Variants in ARHGEF3 observed in about 807,000 individuals in gnomAD.
The protein encoded by ARHGEF3 is 59.8 kDA protein.
ARHGEF3 carries 28 observed loss-of-function variants against 63.2 expected under a neutral mutation model. The observed-to-expected ratio is 0.44, with a 90% CI of 0.33 to 0.61. The LOEUF (loss-of-function observed/expected upper bound fraction) is 0.61. Ranked by LOEUF, ARHGEF3 falls within the 20% of genes least tolerant of loss-of-function variation. The pLI is 0.03. For synonymous variants in ARHGEF3, 266 were observed against 254.2 expected (o/e 1.05, Z -0.44); for missense variants, 533 against 659.3 (o/e 0.81, Z 2.10).
intron 4 of ARHGEF3, among the ~76,000 whole-genome samples, chr3:56,875,474 C>T (rs183659389): frequency 2.0e-5 from 3 of 152,242 alleles, no homozygotes; most frequent in African/African-American, 7.2e-5. Flanking sequence ...TATGTATTTG[C>T]TTTGAGGGAA....
At chr3:57,064,091 AC>A (rs1231383513) in intron 1 of ARHGEF3, among the ~76,000 whole-genome samples, 9 of 152,080 alleles carry the variant, frequency 5.9e-5, no homozygotes, top group Non-Finnish European at 1.0e-4. Flanking sequence ...ACATGGCAAA[AC>A]CCTGTCTCTA....
chr3:56,802,099 C>G (rs1414762647), upstream of ARHGEF3: 1 of 980,906 alleles, frequency 1.0e-6, no homozygotes, highest in Non-Finnish European at 1.3e-6. Flanking sequence ...GGGCGTGGGG[C>G]GGTCCCGCGG....
At chr3:56,848,375 T>C (rs753364051) in intron 4 of ARHGEF3, among the ~76,000 whole-genome samples, 3 of 152,186 alleles carry the variant, frequency 2.0e-5, no homozygotes, top group Non-Finnish European at 4.4e-5. Flanking sequence ...GCTAGCTCTG[T>C]AGCTTTGGGC....
At chr3:56,810,910 C>G (rs1339048820) in intron 4 of ARHGEF3, among the ~76,000 whole-genome samples, 6 of 152,174 alleles carry the variant, frequency 3.9e-5, no homozygotes, top group Non-Finnish European at 7.3e-5. Context: ...GAATGATCAG[C>G]AAGCCCAATA....
chr3:56,827,944 C>CAA (rs11462683), intron 4 of ARHGEF3, among the ~76,000 whole-genome samples: 3,506 of 33,020 alleles, frequency 0.11, 728 homozygotes, highest in East Asian at 0.24. Context: ...GATTCTGTCT[C>CAA]AAAAAAAAAA....
intron 3 of ARHGEF3, chr3:56,882,401 T>C (rs546655330): frequency 6.6e-7 from 1 of 1,507,554 alleles, no homozygotes; most frequent in South Asian, 1.2e-5. Flanking sequence ...GTAGGGGTTA[T>C]GGCTTTGATT....
At chr3:56,960,407 G>A (rs1700229323) in intron 2 of ARHGEF3, among the ~76,000 whole-genome samples, 1 of 152,138 alleles carries the variant, frequency 6.6e-6, no homozygotes, top group Non-Finnish European at 1.5e-5. Context: ...CTGTGACTCT[G>A]AACACGAGGC....
intron 3 of ARHGEF3, among the ~76,000 whole-genome samples, chr3:56,901,808 T>A (rs1438084631): frequency 2.0e-5 from 3 of 152,134 alleles, no homozygotes; most frequent in African/African-American, 2.4e-5. Flanking sequence ...CAGGCATGGC[T>A]GCAATATTTT....
At chr3:57,037,778 G>A (rs1704022091) in intron 1 of ARHGEF3, among the ~76,000 whole-genome samples, 1 of 152,232 alleles carries the variant, frequency 6.6e-6, no homozygotes. Flanking sequence ...GGGAGGCTGA[G>A]GCAGGAGAAT....
At chr3:56,882,799 G>C (rs1213400541) in intron 3 of ARHGEF3, among the ~76,000 whole-genome samples, 1 of 152,162 alleles carries the variant, frequency 6.6e-6, no homozygotes, top group Non-Finnish European at 1.5e-5. Flanking sequence ...TTACAGGCAT[G>C]AGCCACTGCG....
At chr3:56,892,268 T>TA (rs1477810546) in intron 3 of ARHGEF3, among the ~76,000 whole-genome samples, 1 of 151,768 alleles carries the variant, frequency 6.6e-6, no homozygotes, top group Non-Finnish European at 1.5e-5. Context: ...AAAAAAAAAA[T>TA]ACGGGCATCG....
intron 1 of ARHGEF3, among the ~76,000 whole-genome samples, chr3:57,046,321 G>A (rs1704452662): frequency 6.6e-6 from 1 of 152,100 alleles, no homozygotes; most frequent in Admixed American, 6.6e-5. Flanking sequence ...TGAACAGCTG[G>A]GTCTGTCTGA....
intron 4 of ARHGEF3, among the ~76,000 whole-genome samples, chr3:56,824,905 A>G (rs1056344025): frequency 4.6e-5 from 7 of 152,238 alleles, no homozygotes; most frequent in African/African-American, 1.7e-4. Context: ...CACTGTTTAA[A>G]GATTTTGTTA....
chr3:56,791,287 C>CCTGTAGTCCTAG (rs1190563344), intron 1 of ARHGEF3, among the ~76,000 whole-genome samples: 1 of 151,964 alleles, frequency 6.6e-6, no homozygotes, highest in Non-Finnish European at 1.5e-5. Flanking sequence ...GTGGCACACG[C>CCTGTAGTCCTAG]CTGTAGTCCT....
At chr3:56,824,889 T>C (rs1194376343) in intron 4 of ARHGEF3, among the ~76,000 whole-genome samples, 1 of 152,218 alleles carries the variant, frequency 6.6e-6, no homozygotes, top group Admixed American at 6.5e-5. Context: ...AACACTTCAG[T>C]GGCATCACTG....
chr3:56,753,408 TA>T, intron 4 of ARHGEF3, 95 bp downstream of exon 4: 1 of 1,068,030 alleles, frequency 9.4e-7, no homozygotes, highest in Non-Finnish European at 1.4e-6. Flanking sequence ...GTCTTAGTCA[TA>T]AAGACAGTTC....
chr3:56,804,148 G>T (rs1338653118), upstream of ARHGEF3, among the ~76,000 whole-genome samples: 1 of 152,144 alleles, frequency 6.6e-6, no homozygotes, highest in African/African-American at 2.4e-5. Context: ...ACCACCCAAA[G>T]TGCTGGGATT....
intron 4 of ARHGEF3, among the ~76,000 whole-genome samples, chr3:56,816,429 C>G (rs1184600037): frequency 6.6e-6 from 1 of 152,200 alleles, no homozygotes; most frequent in Non-Finnish European, 1.5e-5. Flanking sequence ...ACAAATAGCA[C>G]TAGAATTACT....
chr3:56,940,893 A>G (rs1241725606), intron 3 of ARHGEF3: 2 of 152,148 alleles, frequency 1.3e-5, no homozygotes, highest in African/African-American at 4.8e-5. Flanking sequence ...TTTTGCAGAT[A>G]AGAGACCCGA....
Sources: allele counts gnomAD v4.1 joint callset (sites outside exome capture counted in the v4.1 genomes callset), GRCh38; gene constraint gnomAD v4.1.1; transcripts MANE v1.5; gene names NCBI Gene and HGNC (gene_info 2026-07-23, HGNC 2026-07-21).